FBXO16: variants seen among roughly 807,000 people sequenced by gnomAD.
FBXO16 encodes F-box only protein 16.
In FBXO16, 31 loss-of-function variants were observed where a neutral mutation model predicts 41.0. The observed-to-expected ratio is 0.76, with a 90% CI of 0.57 to 1.02. The LOEUF (loss-of-function observed/expected upper bound fraction) is 1.02. Ranked by LOEUF, FBXO16 falls within the 50% of genes least tolerant of loss-of-function variation. The probability of loss-of-function intolerance (pLI) is 0.00; values close to 1 mark genes in which losing one functional copy is unlikely to be tolerated. For missense variants in FBXO16, 361 were observed against 346.2 expected, an observed-to-expected ratio of 1.04 and a Z score of -0.34; for synonymous variants, 133 against 117.8, an observed-to-expected ratio of 1.13 and a Z score of -0.84.
intron 7 of FBXO16, among the ~76,000 whole-genome samples, chr8:28,436,937 A>C (rs1460806045): frequency 2.0e-5 from 3 of 151,850 alleles, no homozygotes; most frequent in African/African-American, 7.3e-5. Flanking sequence ...TTTTGTAGAG[A>C]TTGGTGGGGC....
At chr8:28,441,604 C>T (rs1224077794) in intron 7 of FBXO16, among the ~76,000 whole-genome samples, 3 of 151,656 alleles carry the variant, frequency 2.0e-5, no homozygotes, top group Non-Finnish European at 4.4e-5. Context: ...AGCGTGGTGG[C>T]AGGTGCCTGT....
chr8:28,441,310 CCTCTGAAGT>C (rs1239523346), intron 7 of FBXO16, among the ~76,000 whole-genome samples: 2 of 152,154 alleles, frequency 1.3e-5, no homozygotes, highest in African/African-American at 4.8e-5. Flanking sequence ...GTTTTCCCTG[CCTCTGAAGT>C]CCTAGAGTCT....
At chr8:28,431,275 C>T (rs900351600) in intron 7 of FBXO16, among the ~76,000 whole-genome samples, 17 of 152,170 alleles carry the variant, frequency 1.1e-4, no homozygotes, top group African/African-American at 3.9e-4. Context: ...TGGCATTTCT[C>T]GTCCCTCCAA....
intron 1 of FBXO16, among the ~76,000 whole-genome samples, chr8:28,489,361 A>C (rs553615520): frequency 1.5e-4 from 23 of 151,556 alleles, no homozygotes; most frequent in East Asian, 5.8e-4. Context: ...AAAAACACCA[A>C]CACCACCACC....
intron 3 of FBXO16, among the ~76,000 whole-genome samples, chr8:28,465,631 A>T (rs550774427): frequency 6.6e-6 from 1 of 152,054 alleles, no homozygotes; most frequent in African/African-American, 2.4e-5. Context: ...TAAAAAAAAA[A>T]TAAAAAATTT....
intron 2 of FBXO16, among the ~76,000 whole-genome samples, chr8:28,482,511 T>C (rs1803530565): frequency 2.6e-5 from 4 of 152,142 alleles, no homozygotes. Flanking sequence ...TCCTTTAGTG[T>C]ATTCCGCTAG....
chr8:28,487,392 ATTTTT>A (rs56197407), intron 1 of FBXO16, among the ~76,000 whole-genome samples: 1 of 125,750 alleles, frequency 8.0e-6, no homozygotes. Context: ...AAGAAGACAG[ATTTTT>A]TTTTTTTTTT....
At chr8:28,489,364 C>G (rs938042271) in intron 1 of FBXO16, among the ~76,000 whole-genome samples, 8 of 151,610 alleles carry the variant, frequency 5.3e-5, no homozygotes, top group African/African-American at 1.9e-4. Flanking sequence ...AACACCAACA[C>G]CACCACCACC....
At chr8:28,441,947 T>TG (rs1491261277) in intron 7 of FBXO16, among the ~76,000 whole-genome samples, 2,784 of 84,188 alleles carry the variant, frequency 0.033, 18 homozygotes, top group Non-Finnish European at 0.043. Flanking sequence ...TGTGTGTGTA[T>TG]TTTTTTTTTT....
chr8:28,437,859 C>T (rs1475711439), intron 7 of FBXO16, among the ~76,000 whole-genome samples: 5 of 151,842 alleles, frequency 3.3e-5, no homozygotes, highest in South Asian at 2.1e-4. Flanking sequence ...GGCAACAGAG[C>T]GAGACTCTGT....
intron 1 of FBXO16, 131 bp from the exon 2 acceptor site, chr8:28,483,593 C>T (rs11787273): frequency 0.24 from 145,230 of 613,356 alleles, 18,597 homozygotes; most frequent in Middle Eastern, 0.27. Context: ...CTGAGGTGGG[C>T]GGATCACTTG....
intron 2 of FBXO16, among the ~76,000 whole-genome samples, chr8:28,483,016 C>T (rs572869529): frequency 3.3e-5 from 5 of 152,240 alleles, no homozygotes; most frequent in African/African-American, 1.2e-4. Flanking sequence ...GGGGGAATGC[C>T]ATGGACCACT....
intron 3 of FBXO16, among the ~76,000 whole-genome samples, chr8:28,471,022 T>C (rs1447877956): frequency 6.6e-6 from 1 of 152,202 alleles, no homozygotes; most frequent in African/African-American, 2.4e-5. Context: ...AGATTCTTTC[T>C]CTTTTCACTT....
intron 1 of FBXO16, among the ~76,000 whole-genome samples, chr8:28,486,190 T>C (rs144160077): frequency 6.6e-6 from 1 of 151,986 alleles, no homozygotes; most frequent in Non-Finnish European, 1.5e-5. Context: ...TCTGTTTTTG[T>C]TGTTGTTATT....
rs111557282 is a variant in FBXO16, at chr8:28,485,309, A to C, written c.-16-1847T>G. Among the ~76,000 whole-genome samples, 24 of 152,218 alleles carry C rather than the reference A, an allele frequency of 1.6e-4. 1 individual carries two copies. The East Asian group carries it at 1.9e-3, about 12-fold the overall frequency. On this transcript the variant is annotated intron_variant, in intron 1 of 8. Coordinates refer to ENST00000380254, the MANE Select transcript of FBXO16 (RefSeq NM_172366.4). ...TGGCTTAGCCTCCCGAGTAGCTAGG[A>C]CTACAGGCACCTGCCACCACGACTG...
chr8:28,460,345 C>G (rs1276719263), intron 4 of FBXO16, among the ~76,000 whole-genome samples: 3 of 119,672 alleles, frequency 2.5e-5, no homozygotes, highest in Non-Finnish European at 3.4e-5. Context: ...AACCCCCCAG[C>G]CTTAAGCAAG....
chr8:28,452,055 A>C (rs1452052273), intron 6 of FBXO16, among the ~76,000 whole-genome samples, 189 bp downstream of exon 6: 1 of 152,148 alleles, frequency 6.6e-6, no homozygotes, highest in African/African-American at 2.4e-5. Context: ...TACAAAATGC[A>C]AACAAACTGT....
At chr8:28,430,053 T>C (rs540673987) in intron 7 of FBXO16, among the ~76,000 whole-genome samples, 63 of 152,300 alleles carry the variant, frequency 4.1e-4, no homozygotes, top group Non-Finnish European at 6.6e-4. Flanking sequence ...GCAAACTCCC[T>C]GCAAGCAAAA....
chr8:28,456,913 C>A lies in FBXO16; in HGVS notation c.360G>T (p.Lys120Asn). The change falls in exon 5 of 9, where the codon AAG (lysine) becomes AAT (asparagine). Residue 120 changes from lysine (K) to asparagine (N), a missense_variant. Coordinates refer to ENST00000380254, the MANE Select transcript of FBXO16 (RefSeq NM_172366.4). The stretch of plus-strand genomic sequence containing the variant: ...AGAGCTGGTCCAGCTCAGCAAGGTT[C>A]TTCCAATGCCAGCACACCTGGAAAA... ...CRCAQVCWHW[K>N]NLAELDQLWM... 1.2e-6 allele frequency: 2 copies of A among 1,613,306 alleles called. No individual in the cohort carries two copies. Among genetic ancestry groups the A allele is most frequent in the Non-Finnish European group, 1.7e-6 (2 of 1,179,672 alleles).
Sources: gnomAD v4.1 joint callset for allele counts (sites outside exome capture counted in the v4.1 genomes callset) on GRCh38, gnomAD v4.1.1 for gene constraint, MANE v1.5 for transcripts, NCBI Gene and HGNC (gene_info 2026-07-23, HGNC 2026-07-21) for gene names.